Variants in IMPG1 observed in about 807,000 individuals in gnomAD.
IMPG1 encodes interphotoreceptor matrix proteoglycan 1, also known as interphotoreceptor matrix proteoglycan of 150 kDa.
Under a neutral mutation model 92.0 loss-of-function variants are expected in IMPG1, and 85 were observed. The observed-to-expected ratio is 0.92, with a 90% confidence interval of 0.78 to 1.11. The LOEUF (loss-of-function observed/expected upper bound fraction) is 1.11, where lower values mean the gene tolerates loss of function less well. IMPG1 is among the 50% of genes least tolerant of loss of function. IMPG1 has a pLI of 0.00. For missense variants in IMPG1, 1,022 were observed against 956.0 expected (o/e 1.07, Z -0.91); for synonymous variants, 367 against 334.1 (o/e 1.10, Z -1.08).
chr6:76,056,528 C>A (rs990932147), intron 1 of IMPG1, among the ~76,000 whole-genome samples: 5 of 152,142 alleles, frequency 3.3e-5, no homozygotes, highest in Non-Finnish European at 5.9e-5. Flanking sequence ...GTGCTTATTT[C>A]ATTTTTTGGG....
intron 14 of IMPG1, 64 bp downstream of exon 14, chr6:75,947,250 A>C: frequency 7.7e-7 from 1 of 1,299,538 alleles, no homozygotes. Flanking sequence ...TGTGCTTAAA[A>C]ACAGAACGAA....
At chr6:75,974,393 T>TCCTTCCTTCCTTCCTTGCTTCC (rs1562354842) in intron 12 of IMPG1, among the ~76,000 whole-genome samples, 1 of 65,008 alleles carries the variant, frequency 1.5e-5, no homozygotes, top group Non-Finnish European at 3.1e-5. Context: ...CTTTCTTTCT[T>TCCTTCCTTCCTTCCTTGCTTCC]TTCTTTCTTT....
chr6:76,027,013 T>C (rs1031997840), intron 4 of IMPG1, among the ~76,000 whole-genome samples: 1 of 152,214 alleles, frequency 6.6e-6, no homozygotes, highest in African/African-American at 2.4e-5. Context: ...GTGTGTACTG[T>C]GTGTAACGTC....
chr6:75,942,067 G>C (rs751631005), intron 14 of IMPG1, among the ~76,000 whole-genome samples: 2 of 152,186 alleles, frequency 1.3e-5, no homozygotes, highest in African/African-American at 4.8e-5. Context: ...AGGGAAGGGT[G>C]AAAGGGTAAG....
At chr6:76,022,296 A>G in intron 5 of IMPG1, 77 bp from the exon 6 acceptor site, 1 of 724,140 alleles carries the variant, frequency 1.4e-6, no homozygotes, top group Non-Finnish European at 2.4e-6. Context: ...AAAATTCAAT[A>G]TGCTTTTTCT....
intron 1 of IMPG1, among the ~76,000 whole-genome samples, chr6:76,049,659 G>A (rs1257426594): frequency 2.0e-5 from 3 of 152,194 alleles, no homozygotes; most frequent in Non-Finnish European, 4.4e-5. Flanking sequence ...ATTGACATTT[G>A]TTGATAGGGG....
chr6:75,993,173 G>C (rs568127162), intron 12 of IMPG1, among the ~76,000 whole-genome samples: 1 of 152,174 alleles, frequency 6.6e-6, no homozygotes, highest in East Asian at 1.9e-4. Flanking sequence ...ACAACTATTA[G>C]TTGTTAATAG....
intron 5 of IMPG1, among the ~76,000 whole-genome samples, chr6:76,024,573 G>A (rs1002270598): frequency 2.0e-5 from 3 of 151,858 alleles, no homozygotes; most frequent in Non-Finnish European, 4.4e-5. Flanking sequence ...TCTGCCAGTG[G>A]GATATTTAAA....
intron 1 of IMPG1, among the ~76,000 whole-genome samples, chr6:76,071,407 ATATT>A (rs1267086054): frequency 6.6e-6 from 1 of 150,882 alleles, no homozygotes; most frequent in Non-Finnish European, 1.5e-5. Flanking sequence ...ATAAATGTAA[ATATT>A]TATATATAAT....
intron 15 of IMPG1, among the ~76,000 whole-genome samples, chr6:75,926,811 T>C (rs1231522059): frequency 6.8e-6 from 1 of 146,784 alleles, no homozygotes; most frequent in Admixed American, 6.9e-5. Flanking sequence ...TGTAAAAATA[T>C]ATGGAGTATA....
intron 1 of IMPG1, among the ~76,000 whole-genome samples, chr6:76,071,193 T>TATATTTGG (rs1411432155): frequency 6.7e-6 from 1 of 148,380 alleles, no homozygotes; most frequent in Non-Finnish European, 1.5e-5. Flanking sequence ...TATATAATTA[T>TATATTTGG]ATATTTGGAA....
At chr6:76,011,639 G>C (rs1156332827) in intron 7 of IMPG1, among the ~76,000 whole-genome samples, 1 of 151,336 alleles carries the variant, frequency 6.6e-6, no homozygotes. Flanking sequence ...CATTGTGCAG[G>C]TTAGTTACAT....
chr6:76,021,499 C>A (rs1304181132), intron 6 of IMPG1, among the ~76,000 whole-genome samples: 1 of 151,956 alleles, frequency 6.6e-6, no homozygotes, highest in Non-Finnish European at 1.5e-5. Flanking sequence ...GACAGTGTTT[C>A]CCTTCTTCCA....
At chr6:75,957,517 T>G (rs1157490983) in intron 12 of IMPG1, among the ~76,000 whole-genome samples, 1 of 152,160 alleles carries the variant, frequency 6.6e-6, no homozygotes, top group Non-Finnish European at 1.5e-5. Flanking sequence ...TGTTAAAGTC[T>G]CCCATTATTA....
chr6:76,050,228 C>G (rs1428928267), intron 1 of IMPG1, among the ~76,000 whole-genome samples: 4 of 151,984 alleles, frequency 2.6e-5, no homozygotes, highest in Admixed American at 2.6e-4. Context: ...TCACTTAAGG[C>G]CGGGAGTTCG....
intron 14 of IMPG1, among the ~76,000 whole-genome samples, chr6:75,943,966 C>A (rs904384541): frequency 2.0e-5 from 3 of 152,122 alleles, no homozygotes; most frequent in African/African-American, 7.3e-5. Context: ...TCTAAGATGT[C>A]CCTTTTCTAC....
At chr6:76,049,940 C>G (rs1784008439) in intron 1 of IMPG1, among the ~76,000 whole-genome samples, 1 of 152,094 alleles carries the variant, frequency 6.6e-6, no homozygotes, top group African/African-American at 2.4e-5. Context: ...GCCACTCTAT[C>G]CTGGAGCTGA....
rs1223093511 is a variant in IMPG1, at chr6:76,005,401, C to G, written c.1021G>C (p.Glu341Gln). ...ESEEVYHGTMEEDKQPEIYLT... is the reference protein window; with the variant it reads ...ESEEVYHGTMQEDKQPEIYLT... ...TAGATTTCTGGTTGCTTGTCCTCCTCCATGGTTCCATGATAGACTTCCTCA... is the reference window on the plus strand; with the variant it reads ...TAGATTTCTGGTTGCTTGTCCTCCTGCATGGTTCCATGATAGACTTCCTCA... The change falls in exon 10 of 17, where the codon GAG (glutamate) becomes CAG (glutamine). Residue 341 changes from glutamate to glutamine, a missense_variant. By Grantham distance (29) the Glu-to-Gln change is conservative. Transcript: ENST00000369950. The G allele has an allele frequency of 1.9e-6, 3 of 1,614,062 alleles. No homozygotes were observed. The highest frequency in any genetic ancestry group is 2.5e-6 in the Non-Finnish European group (3 of 1,179,960).
chr6:76,004,622 C>T (rs1783058880), intron 10 of IMPG1, among the ~76,000 whole-genome samples: 1 of 152,190 alleles, frequency 6.6e-6, no homozygotes. Flanking sequence ...CTACTGAGGA[C>T]TGCCCTCTGA....
Sources: gnomAD v4.1 joint callset for allele counts (sites outside exome capture counted in the v4.1 genomes callset) on GRCh38, gnomAD v4.1.1 for gene constraint, MANE v1.5 for transcripts, NCBI Gene and HGNC (gene_info 2026-07-23, HGNC 2026-07-21) for gene names.